CDK5RAP1: variants seen among roughly 807,000 people sequenced by gnomAD.
CDK5RAP1 encodes CDK5RAP1 mitochondrial tRNA methylthiotransferase.
In CDK5RAP1, 62 loss-of-function variants were observed where a neutral mutation model predicts 64.5. The ratio of observed to expected loss-of-function variants is 0.96; its 90% confidence interval spans 0.78 to 1.19. The LOEUF (loss-of-function observed/expected upper bound fraction) is 1.19, where lower values mean the gene tolerates loss of function less well. Ranked by LOEUF, CDK5RAP1 falls within the 50% of genes most tolerant of loss-of-function variation. The pLI, the probability that CDK5RAP1 is intolerant of heterozygous loss-of-function variation, is 0.00. For synonymous variants in CDK5RAP1, 250 were observed against 261.9 expected, an observed-to-expected ratio of 0.95 and a Z score of 0.44; for missense variants, 657 against 735.0, an observed-to-expected ratio of 0.89 and a Z score of 1.23.
Position 33,400,165 on chromosome 20 carries a change from C to T in CDK5RAP1, c.-21+1263G>A, listed in dbSNP as rs750133668. On this transcript the variant is annotated intron_variant, in intron 1 of 13. Coordinates refer to ENST00000346416, the MANE Select transcript of CDK5RAP1 (RefSeq NM_016408.4). Reference sequence around the variant, plus strand: ...AATCTGACGGGAGGCAGAGCTCAGGCAGTAATGCCAGCTTTGCTGCTCACC... The same window carrying T: ...AATCTGACGGGAGGCAGAGCTCAGGTAGTAATGCCAGCTTTGCTGCTCACC... Among the ~76,000 whole-genome samples the T allele has an allele frequency of 1.2e-4, 18 of 152,386 alleles. 1 individual carries two copies. Among genetic ancestry groups the T allele is most frequent in the East Asian group, 7.7e-4 (4 of 5,192 alleles).
chr20:33,363,525 G>C (rs1423906751), intron 12 of CDK5RAP1, among the ~76,000 whole-genome samples: 1 of 152,064 alleles, frequency 6.6e-6, no homozygotes, highest in African/African-American at 2.4e-5. Context: ...AATGATTCAA[G>C]GGGAAAAAAA....
At chr20:33,393,493 T>C (rs1282501822) in intron 4 of CDK5RAP1, among the ~76,000 whole-genome samples, 1 of 151,922 alleles carries the variant, frequency 6.6e-6, no homozygotes, top group Non-Finnish European at 1.5e-5. Flanking sequence ...TAGTTCAGTG[T>C]CAAGCAGCAG....
intron 7 of CDK5RAP1, among the ~76,000 whole-genome samples, chr20:33,380,369 C>CA (rs1555807719): frequency 6.6e-6 from 1 of 151,920 alleles, no homozygotes; most frequent in Non-Finnish European, 1.5e-5. Flanking sequence ...CTGGGACTAC[C>CA]TTTTTTTACT....
Position 33,378,617 on chromosome 20 carries a change from T to C in CDK5RAP1, c.1107+844A>G, listed in dbSNP as rs187741647. Among the ~76,000 whole-genome samples, 70 of 152,314 alleles carry C rather than the reference T, an allele frequency of 4.6e-4. 1 individual carries two copies. Among genetic ancestry groups the C allele is most frequent in the Admixed American group, 1.4e-3 (21 of 15,296 alleles). Reference sequence around the variant, plus strand: ...CAATAAAACAAGGTATGCCTTTGTATCTATTTCACAACAACCCAAAGCAGG... The same window carrying C: ...CAATAAAACAAGGTATGCCTTTGTACCTATTTCACAACAACCCAAAGCAGG... On this transcript the variant is annotated intron_variant, in intron 8 of 13. Transcript: ENST00000346416.
chr20:33,385,687 G>A lies in CDK5RAP1; in HGVS notation c.839C>T (p.Ala280Val). The change falls in exon 7 of 14, where the codon GCC (alanine) becomes GTC (valine). Residue 280 changes from alanine to valine, a missense_variant. Physicochemically the swap from Ala to Val is moderately conservative, Grantham distance 64 (BLOSUM62 0). Coordinates refer to ENST00000346416, the MANE Select transcript of CDK5RAP1 (RefSeq NM_016408.4). ...TRGRERSRPIASILEEVKKLS... is the reference protein window; with the variant it reads ...TRGRERSRPIVSILEEVKKLS... ...CTTCTTCACTTCCTCTAGAATGGAG[G>A]CAATAGGCCGACTCCTCTCCCTGCC... The A allele has an allele frequency of 1.9e-6, 3 of 1,614,148 alleles. No homozygotes were observed. In the African/African-American group the frequency reaches 4.0e-5, roughly 22 times the overall value.
At chr20:33,365,208 G>A (rs1983683095) in intron 12 of CDK5RAP1, among the ~76,000 whole-genome samples, 1 of 152,060 alleles carries the variant, frequency 6.6e-6, no homozygotes, top group Non-Finnish European at 1.5e-5. Context: ...ATTGACATTT[G>A]TTGAGGCTGG....
At chr20:33,367,703 C>T (rs927502456) in intron 11 of CDK5RAP1, among the ~76,000 whole-genome samples, 1 of 152,296 alleles carries the variant, frequency 6.6e-6, no homozygotes, top group East Asian at 1.9e-4. Context: ...TTTATTCAAG[C>T]ATGTATTACC....
intron 7 of CDK5RAP1, among the ~76,000 whole-genome samples, chr20:33,384,918 A>G (rs1987226441): frequency 6.6e-6 from 1 of 152,156 alleles, no homozygotes; most frequent in Non-Finnish European, 1.5e-5. Context: ...AAAAAATAAA[A>G]AAAGAACTGG....
intron 12 of CDK5RAP1, among the ~76,000 whole-genome samples, chr20:33,362,897 T>C (rs543759780): frequency 6.6e-6 from 1 of 152,276 alleles, no homozygotes; most frequent in East Asian, 1.9e-4. Flanking sequence ...TTTAAATGAA[T>C]ACCACTTTAG....
chr20:33,389,568 C>G (rs1167237069), intron 5 of CDK5RAP1, among the ~76,000 whole-genome samples: 47 of 151,116 alleles, frequency 3.1e-4, no homozygotes, highest in African/African-American at 1.1e-3. Context: ...CGGCCAGCCG[C>G]CCCGTCCGGG....
intron 1 of CDK5RAP1, among the ~76,000 whole-genome samples, chr20:33,399,152 A>G (rs1423689244): frequency 2.0e-5 from 3 of 152,036 alleles, no homozygotes; most frequent in Non-Finnish European, 4.4e-5. Context: ...AGATGAAGCC[A>G]TACTATTTAC....
intron 5 of CDK5RAP1, among the ~76,000 whole-genome samples, chr20:33,388,505 GCTCCCTCTCCCTCTCCCT>G (rs199659729): frequency 7.4e-6 from 1 of 134,826 alleles, no homozygotes. Context: ...TAATTTTTCA[GCTCCCTCTCCCTCTCCCT>G]CTCCCTCTCC....
At chr20:33,401,094 A>G (rs1989367421) in intron 1 of CDK5RAP1, among the ~76,000 whole-genome samples, 1 of 152,262 alleles carries the variant, frequency 6.6e-6, no homozygotes, top group Non-Finnish European at 1.5e-5. Context: ...TTGGCTGGTT[A>G]CAATGCGTTA....
At chr20:33,390,839 C>T (rs1444877646) in intron 5 of CDK5RAP1, among the ~76,000 whole-genome samples, 1 of 152,050 alleles carries the variant, frequency 6.6e-6, no homozygotes, top group Non-Finnish European at 1.5e-5. Flanking sequence ...TTTAACTATT[C>T]CACAATGGAG....
Position 33,358,985 on chromosome 20 carries a change from G to A in CDK5RAP1, c.*58C>T, listed in dbSNP as rs1480752440. On this transcript the variant is annotated 3_prime_UTR_variant, in exon 14 of 14. Coordinates refer to ENST00000346416, the MANE Select transcript of CDK5RAP1 (RefSeq NM_016408.4). Reference sequence around the variant, plus strand: ...ACCTGTTTCCTCAGTGGCAGGCAATGTCTCCCCTTCCTGTTGGGGAGGATT... The same window carrying A: ...ACCTGTTTCCTCAGTGGCAGGCAATATCTCCCCTTCCTGTTGGGGAGGATT... 5 of 1,254,592 alleles carry A rather than the reference G, an allele frequency of 4.0e-6. No individual in the cohort carries two copies. The highest frequency in any genetic ancestry group is 5.8e-6 in the Non-Finnish European group (5 of 860,490). The allele number at this position is 1,254,592 out of a possible 1,614,324, so 77.7% of individuals were successfully genotyped here.
At chr20:33,370,389 G>A in intron 11 of CDK5RAP1, 110 bp downstream of exon 11, 1 of 1,115,476 alleles carries the variant, frequency 9.0e-7, no homozygotes, top group Non-Finnish European at 1.3e-6. Flanking sequence ...AGAGCCTGTG[G>A]TTTCTCAAGG....
At position 33,389,507 on chromosome 20, in the gene CDK5RAP1, G is replaced by A. The variant is rs535063192; in HGVS notation, c.545-1974C>T. 2.1e-3 allele frequency among the ~76,000 whole-genome samples: 318 copies of A among 151,220 alleles called. 1 individual carries two copies. The highest frequency in any genetic ancestry group is 7.3e-3 in the African/African-American group (301 of 41,188). Reference sequence around the variant, plus strand: ...GGGAGGGAGGTGGGGGTCAGCCCCCGCCCGGCCAGCCGACCCGTCAGGGAG... The same window carrying A: ...GGGAGGGAGGTGGGGGTCAGCCCCCACCCGGCCAGCCGACCCGTCAGGGAG... On this transcript the variant is annotated intron_variant, in intron 5 of 13. Transcript: ENST00000346416.
intron 12 of CDK5RAP1, among the ~76,000 whole-genome samples, chr20:33,366,022 A>C (rs765870494): frequency 2.6e-5 from 4 of 152,242 alleles, no homozygotes; most frequent in Non-Finnish European, 4.4e-5. Context: ...TTGGATGAAT[A>C]AGAAAGAGCT....
At chr20:33,369,863 C>T (rs572538248) in intron 11 of CDK5RAP1, among the ~76,000 whole-genome samples, 1 of 152,330 alleles carries the variant, frequency 6.6e-6, no homozygotes, top group East Asian at 1.9e-4. Context: ...CACAGGGGGC[C>T]TTCAACCTCC....
Sources: gnomAD v4.1 joint callset for allele counts (sites outside exome capture counted in the v4.1 genomes callset) on GRCh38, gnomAD v4.1.1 for gene constraint, MANE v1.5 for transcripts, NCBI Gene and HGNC (gene_info 2026-07-23, HGNC 2026-07-21) for gene names.